ANXA10: variants seen among roughly 807,000 people sequenced by gnomAD.
ANXA10 encodes the protein annexin 14.
A neutral mutation model predicts 53.5 loss-of-function variants in ANXA10; 49 were observed. That is an observed-to-expected ratio of 0.92 (90% CI 0.73 to 1.16). ANXA10 has a LOEUF of 1.16. Among genes scored for constraint, ANXA10 ranks in the 50% most tolerant of loss-of-function variants. The probability of loss-of-function intolerance (pLI) is 0.00; values close to 1 mark genes in which losing one functional copy is unlikely to be tolerated. For missense variants in ANXA10, 393 were observed against 394.4 expected, an observed-to-expected ratio of 1.00 and a Z score of 0.03; for synonymous variants, 131 against 128.9, an observed-to-expected ratio of 1.02 and a Z score of -0.11.
intron 1 of ANXA10, among the ~76,000 whole-genome samples, chr4:168,099,071 T>C (rs889612155): frequency 1.3e-5 from 2 of 152,178 alleles, no homozygotes; most frequent in Admixed American, 1.3e-4. Context: ...TAATACTTTT[T>C]CAGTTATGTA....
At chr4:168,143,840 T>C (rs758496181) in intron 3 of ANXA10, among the ~76,000 whole-genome samples, 4 of 152,230 alleles carry the variant, frequency 2.6e-5, no homozygotes, top group Non-Finnish European at 5.9e-5. Flanking sequence ...GTCATCTGAC[T>C]ATTAAATTGT....
At chr4:168,177,816 C>A in intron 7 of ANXA10, 23 bp downstream of exon 7, 1 of 1,614,112 alleles carries the variant, frequency 6.2e-7, no homozygotes. Context: ...AGTTCTCAGA[C>A]TGACTGCAAA....
chr4:168,137,448 G>A (rs928619433), intron 2 of ANXA10, among the ~76,000 whole-genome samples: 10 of 151,992 alleles, frequency 6.6e-5, no homozygotes, highest in Admixed American at 2.0e-4. Flanking sequence ...TCACTGTTTG[G>A]AGTCTCTAAT....
intron 1 of ANXA10, among the ~76,000 whole-genome samples, chr4:168,124,260 G>A (rs919483503): frequency 5.3e-5 from 8 of 152,076 alleles, no homozygotes; most frequent in South Asian, 2.1e-4. Flanking sequence ...TTGTATAGAC[G>A]GTCGCCATGA....
intron 2 of ANXA10, among the ~76,000 whole-genome samples, chr4:168,135,865 A>G (rs1420097008): frequency 6.6e-6 from 1 of 152,142 alleles, no homozygotes; most frequent in Non-Finnish European, 1.5e-5. Context: ...TTCTCACACT[A>G]CTATAAAGAA....
intron 2 of ANXA10, among the ~76,000 whole-genome samples, chr4:168,130,610 TTTGTGGG>T (rs1731141864): frequency 6.6e-6 from 1 of 151,980 alleles, no homozygotes; most frequent in Non-Finnish European, 1.5e-5. Context: ...TGCTTTCTAT[TTTGTGGG>T]TTATTAATTA....
chr4:168,122,808 A>G (rs1731008857), intron 1 of ANXA10, among the ~76,000 whole-genome samples: 1 of 152,148 alleles, frequency 6.6e-6, no homozygotes, highest in Non-Finnish European at 1.5e-5. Flanking sequence ...ATCCACCCCT[A>G]TGACCCCAAC....
rs115370280 is a variant in ANXA10, at chr4:168,170,672, T to C, written c.480+5346T>C. 6.9e-3 allele frequency among the ~76,000 whole-genome samples: 1,043 copies of C among 152,242 alleles called. 10 individuals are homozygous for C. The highest frequency in any genetic ancestry group is 0.024 in the African/African-American group (988 of 41,558). On this transcript the variant is annotated intron_variant, in intron 6 of 11. Coordinates refer to ENST00000359299, the MANE Select transcript of ANXA10 (RefSeq NM_007193.5). ...GTATAGTAAAATTTTCCTTTCAACA[T>C]AGAATACCAAAAAGTGTGGGTGAAT...
chr4:168,164,334 T>C (rs1439727846), intron 5 of ANXA10, 46 bp downstream of exon 5: 1 of 1,314,472 alleles, frequency 7.6e-7, no homozygotes, highest in Non-Finnish European at 1.1e-6. Flanking sequence ...ATATAAGAAC[T>C]TTATAACACA....
At chr4:168,135,837 A>C (rs1578908837) in intron 2 of ANXA10, among the ~76,000 whole-genome samples, 1 of 152,340 alleles carries the variant, frequency 6.6e-6, no homozygotes, top group African/African-American at 2.4e-5. Context: ...TCAACAAGAA[A>C]GACACAATAT....
At position 168,139,503 on chromosome 4, in the gene ANXA10, C is replaced by T. The variant is rs1347472629; in HGVS notation, c.118C>T (p.Leu40=). 1 of 1,612,482 alleles carries T rather than the reference C, an allele frequency of 6.2e-7. No individual in the cohort carries two copies. The highest frequency in any genetic ancestry group is 8.5e-7 in the Non-Finnish European group (1 of 1,178,804). ...TTTTCCAGACTGTGACAAAGACATG[C>T]TGATCAACATTCTGACTCAGCGCTG... ...LQGFDCDKDM[L]INILTQRCNA... Residue 40 remains leucine (L), a synonymous_variant, in exon 3 of 12, where the codon CTG becomes TTG. Transcript: ENST00000359299.
intron 1 of ANXA10, among the ~76,000 whole-genome samples, chr4:168,094,096 T>C (rs1730505052): frequency 6.6e-6 from 1 of 152,190 alleles, no homozygotes; most frequent in African/African-American, 2.4e-5. Context: ...TATTATATTC[T>C]ATGCATTGTG....
intron 1 of ANXA10, among the ~76,000 whole-genome samples, chr4:168,111,457 G>A (rs1730805689): frequency 6.6e-6 from 1 of 152,092 alleles, no homozygotes; most frequent in Non-Finnish European, 1.5e-5. Context: ...CAAAAAAAGA[G>A]TAGAAAAGCA....
chr4:168,101,520 G>A (rs1278701102), intron 1 of ANXA10, among the ~76,000 whole-genome samples: 2 of 130,812 alleles, frequency 1.5e-5, no homozygotes, highest in Non-Finnish European at 3.2e-5. Context: ...GGGACGGGGG[G>A]AAGCTTTTCC....
rs140338517 is a variant in ANXA10 at position 168,112,963 on chromosome 4, C to T, written c.19-15121C>T. ...GCTTTAATTTGGGAGGCAAAGGTTGCAGTGAGCCAAGATCATGCCACTGTA... is the reference window on the plus strand; with the variant it reads ...GCTTTAATTTGGGAGGCAAAGGTTGTAGTGAGCCAAGATCATGCCACTGTA... On this transcript the variant is annotated intron_variant, in intron 1 of 11. Coordinates refer to ENST00000359299, the MANE Select transcript of ANXA10 (RefSeq NM_007193.5). Among the ~76,000 whole-genome samples the T allele has an allele frequency of 8.1e-4, 123 of 151,704 alleles. 1 individual carries two copies. In the East Asian group the frequency reaches 0.022, roughly 27 times the overall value.
chr4:168,181,699 CA>C lies in ANXA10; in HGVS notation c.744del (p.Lys248AsnfsTer23). ...TTCTCCTAGTTCTCTGTGTTCGAGA[CA>C]AACCAGCCTATTTTGCTTATAGATT... ...LVAIVLCVRDKPAYFAYRLYS... is the reference protein window; with the variant it reads ...LVAIVLCVRDXPAYFAYRLYS... On this transcript the variant is annotated frameshift_variant, in exon 10 of 12. Coordinates refer to ENST00000359299, the MANE Select transcript of ANXA10 (RefSeq NM_007193.5). LOFTEE classifies it high-confidence loss of function. 2 of 1,604,500 alleles carry C rather than the reference CA, an allele frequency of 1.2e-6. No individual in the cohort carries two copies.
chr4:168,133,321 A>G (rs939321091), intron 2 of ANXA10, among the ~76,000 whole-genome samples: 5 of 152,156 alleles, frequency 3.3e-5, no homozygotes, highest in Non-Finnish European at 5.9e-5. Context: ...CATAAAAAAT[A>G]ATAGAAAATG....
At position 168,104,139 on chromosome 4, in the gene ANXA10, A is replaced by G. The variant is rs1452562841; in HGVS notation, c.18+11421A>G. ...TATACTTGTCAAGTGTTTTTTCTGC[A>G]TCATGTTTTGATGGCCATATAAGTT... On this transcript the variant is annotated intron_variant, in intron 1 of 11. Transcript: ENST00000359299. Among the ~76,000 whole-genome samples the G allele has an allele frequency of 4.6e-5, 7 of 151,918 alleles. No homozygotes were observed. In the East Asian group the frequency reaches 1.3e-3, roughly 29 times the overall value.
At chr4:168,096,912 A>ATATATATATATATATATATG (rs1491558554) in intron 1 of ANXA10, among the ~76,000 whole-genome samples, 2 of 104,578 alleles carry the variant, frequency 1.9e-5, no homozygotes, top group Non-Finnish European at 1.8e-5. Context: ...ATACAAATGC[A>ATATATATATATATATATATG]TATATATATA....
Sources: gnomAD v4.1 joint callset for allele counts (sites outside exome capture counted in the v4.1 genomes callset) on GRCh38, gnomAD v4.1.1 for gene constraint, MANE v1.5 for transcripts, NCBI Gene and HGNC (gene_info 2026-07-23, HGNC 2026-07-21) for gene names.